HS6ST3: variants seen among roughly 807,000 people sequenced by gnomAD.
HS6ST3 encodes the protein heparan sulfate 6-O-sulfotransferase 3, also known as heparan-sulfate 6-O-sulfotransferase 3.
Under a neutral mutation model 36.7 loss-of-function variants are expected in HS6ST3, and 12 were observed. The observed-to-expected ratio is 0.33, with a 90% CI of 0.21 to 0.53. The LOEUF (loss-of-function observed/expected upper bound fraction) is 0.53, where lower values mean the gene tolerates loss of function less well. Ranked by LOEUF, HS6ST3 falls within the 20% of genes least tolerant of loss-of-function variation. The pLI is 0.95. For missense variants in HS6ST3, 584 were observed against 640.9 expected (o/e 0.91, Z 0.96); for synonymous variants, 240 against 257.5 (o/e 0.93, Z 0.65).
chr13:96,340,930 CAAAA>C (rs1308455986), intron 1 of HS6ST3, among the ~76,000 whole-genome samples: 2 of 151,984 alleles, frequency 1.3e-5, no homozygotes, highest in South Asian at 4.1e-4. Flanking sequence ...ACTAAACTAA[CAAAA>C]AAAGTCATTG....
At chr13:96,731,271 C>T (rs1876145099) in intron 1 of HS6ST3, among the ~76,000 whole-genome samples, 1 of 152,160 alleles carries the variant, frequency 6.6e-6, no homozygotes, top group Admixed American at 6.5e-5. Flanking sequence ...TCTCGGGTAA[C>T]CACCATTCAA....
chr13:96,197,509 C>T (rs1413555971), intron 1 of HS6ST3, among the ~76,000 whole-genome samples: 12 of 152,180 alleles, frequency 7.9e-5, no homozygotes. Context: ...CAAAACCAAT[C>T]ATGCCTTCCC....
intron 1 of HS6ST3, among the ~76,000 whole-genome samples, chr13:96,588,409 A>C (rs572248433): frequency 6.6e-6 from 1 of 152,192 alleles, no homozygotes; most frequent in South Asian, 2.1e-4. Context: ...CATTTTTTCC[A>C]TACCTAATCT....
intron 1 of HS6ST3, among the ~76,000 whole-genome samples, chr13:96,444,766 C>G (rs1477835774): frequency 6.6e-6 from 1 of 152,168 alleles, no homozygotes; most frequent in Non-Finnish European, 1.5e-5. Flanking sequence ...GGTATTGTTA[C>G]TATGCTATTT....
intron 1 of HS6ST3, among the ~76,000 whole-genome samples, chr13:96,605,264 T>C (rs2056434692): frequency 6.6e-6 from 1 of 152,122 alleles, no homozygotes; most frequent in Non-Finnish European, 1.5e-5. Flanking sequence ...AGTAAAAATA[T>C]TCCTATGGAT....
intron 1 of HS6ST3, among the ~76,000 whole-genome samples, chr13:96,310,541 A>G (rs2054935213): frequency 6.6e-6 from 1 of 152,180 alleles, no homozygotes; most frequent in Admixed American, 6.6e-5. Context: ...TATCCATACA[A>G]TTAGAAAAGA....
chr13:96,700,290 C>G (rs1245797537), intron 1 of HS6ST3, among the ~76,000 whole-genome samples: 2 of 152,132 alleles, frequency 1.3e-5, no homozygotes, highest in Admixed American at 1.3e-4. Context: ...AGGGAAACCC[C>G]TTATAAAACT....
intron 1 of HS6ST3, among the ~76,000 whole-genome samples, chr13:96,325,500 G>T (rs1472538335): frequency 6.6e-6 from 1 of 152,142 alleles, no homozygotes; most frequent in Non-Finnish European, 1.5e-5. Context: ...TAGTTGCCAT[G>T]CAACTGTTTG....
At chr13:96,360,075 G>T (rs1316985784) in intron 1 of HS6ST3, among the ~76,000 whole-genome samples, 1 of 152,126 alleles carries the variant, frequency 6.6e-6, no homozygotes, top group Non-Finnish European at 1.5e-5. Context: ...GAGATGAAGT[G>T]AACAAGATGC....
In HS6ST3 at chr13:96,833,456, G is replaced by A. The variant is rs997654594; in HGVS notation, c.*258G>A. 2.6e-6 allele frequency: 1 copy of A among 388,736 alleles called. No individual in the cohort carries two copies. The highest frequency in any genetic ancestry group is 2.0e-5 in the African/African-American group (1 of 49,274). 24.1% of individuals were successfully genotyped at this position (388,736 alleles called of 1,614,324 possible). On this transcript the variant is annotated 3_prime_UTR_variant, in exon 2 of 2. Coordinates refer to ENST00000376705, the MANE Select transcript of HS6ST3 (RefSeq NM_153456.4). The stretch of plus-strand genomic sequence containing the variant: ...CATATAGGCCATTTTAGAAGGCCAA[G>A]GAGAGCCACACCGAAAAAGGAGACA...
In HS6ST3 at chr13:96,560,365, A is replaced by G. The variant is rs1594807038; in HGVS notation, c.708-272125A>G. ...AATGGTAGCTCTTTAAAAATCATAC[A>G]CTATGCCTCACAATAAGAGGAGCCA... On this transcript the variant is annotated intron_variant, in intron 1 of 1. Coordinates refer to ENST00000376705, the MANE Select transcript of HS6ST3 (RefSeq NM_153456.4). Among the ~76,000 whole-genome samples the G allele has an allele frequency of 2.6e-5, 4 of 152,232 alleles. No homozygotes were observed. In the South Asian group the frequency reaches 8.3e-4, roughly 32 times the overall value.
At chr13:96,499,145 C>T (rs1386383844) in intron 1 of HS6ST3, among the ~76,000 whole-genome samples, 2 of 151,914 alleles carry the variant, frequency 1.3e-5, no homozygotes, top group Non-Finnish European at 2.9e-5. Flanking sequence ...CCTGCCTCAG[C>T]CTCCCCAGTA....
chr13:96,235,593 TG>T (rs1265454669), intron 1 of HS6ST3, among the ~76,000 whole-genome samples: 2 of 152,046 alleles, frequency 1.3e-5, no homozygotes, highest in Admixed American at 6.5e-5. Flanking sequence ...TAGCATGGGT[TG>T]TTTTTTTTCC....
intron 1 of HS6ST3, among the ~76,000 whole-genome samples, chr13:96,379,251 C>A (rs1258876922): frequency 2.0e-5 from 3 of 152,168 alleles, no homozygotes; most frequent in Non-Finnish European, 4.4e-5. Context: ...TCCCAAACTT[C>A]ATGCGTTGAA....
chr13:96,137,436 ATT>A (rs56884747), intron 1 of HS6ST3, among the ~76,000 whole-genome samples: 13 of 141,456 alleles, frequency 9.2e-5, no homozygotes, highest in Admixed American at 2.1e-4. Context: ...AATCCTGAAC[ATT>A]TTTTTTTTTT....
At chr13:96,150,071 C>T (rs990823075) in intron 1 of HS6ST3, among the ~76,000 whole-genome samples, 5 of 152,088 alleles carry the variant, frequency 3.3e-5, no homozygotes, top group Non-Finnish European at 5.9e-5. Flanking sequence ...CGCAGCTTGG[C>T]GAGTTCCAGG....
intron 1 of HS6ST3, among the ~76,000 whole-genome samples, chr13:96,491,812 G>C (rs928361068): frequency 6.6e-6 from 1 of 152,070 alleles, no homozygotes; most frequent in Non-Finnish European, 1.5e-5. Context: ...CTCATTTTCA[G>C]ATCTCTCAAT....
intron 1 of HS6ST3, among the ~76,000 whole-genome samples, chr13:96,146,460 T>C (rs1428027406): frequency 3.9e-5 from 6 of 152,204 alleles, no homozygotes; most frequent in African/African-American, 1.4e-4. Flanking sequence ...TCCGTTTGTC[T>C]GTTATTGATG....
chr13:96,776,156 C>G (rs562031980), intron 1 of HS6ST3, among the ~76,000 whole-genome samples: 27 of 152,122 alleles, frequency 1.8e-4, no homozygotes, highest in African/African-American at 6.3e-4. Flanking sequence ...AACAAAGACA[C>G]AACATACCAG....
Sources: gnomAD v4.1 joint callset for allele counts (sites outside exome capture counted in the v4.1 genomes callset) on GRCh38, gnomAD v4.1.1 for gene constraint, MANE v1.5 for transcripts, NCBI Gene and HGNC (gene_info 2026-07-23, HGNC 2026-07-21) for gene names.